Variants in GPHN observed in about 807,000 individuals in gnomAD.
GPHN encodes the protein gephyrin.
A neutral mutation model predicts 95.5 loss-of-function variants in GPHN; 17 were observed. The observed-to-expected ratio is 0.18, with a 90% CI of 0.12 to 0.27. The LOEUF is 0.27. GPHN is among the 10% of genes least tolerant of loss of function. The pLI is 1.00. For missense variants in GPHN, 660 were observed against 978.1 expected (o/e 0.67, Z 4.34); for synonymous variants, 320 against 322.5 (o/e 0.99, Z 0.08).
chr14:66,669,587 A>T (rs1169465018), intron 1 of GPHN, among the ~76,000 whole-genome samples: 1 of 151,886 alleles, frequency 6.6e-6, no homozygotes, highest in Non-Finnish European at 1.5e-5. Context: ...ATTGTTTGAC[A>T]ATTCTTGGGG....
chr14:67,653,404 TAA>T, the GPHN span: 1 of 1,602,014 alleles, frequency 6.2e-7, no homozygotes, highest in Non-Finnish European at 8.5e-7. Context: ...GCCACTGAGT[TAA>T]GAGAAATTTC....
At chr14:66,722,946 A>C (rs2070889210) in intron 2 of GPHN, among the ~76,000 whole-genome samples, 3 of 152,150 alleles carry the variant, frequency 2.0e-5, no homozygotes, top group South Asian at 4.1e-4. Flanking sequence ...CTTTAGGACA[A>C]AGTGACACTC....
intron 1 of GPHN, among the ~76,000 whole-genome samples, chr14:66,603,693 G>T (rs2062372623): frequency 6.6e-6 from 1 of 151,796 alleles, no homozygotes; most frequent in Non-Finnish European, 1.5e-5. Flanking sequence ...ATTATCAAAT[G>T]ATATATTTAA....
At chr14:67,275,988 GCA>G in the GPHN span, among the ~76,000 whole-genome samples, 1 of 151,932 alleles carries the variant, frequency 6.6e-6, no homozygotes, top group African/African-American at 2.4e-5. Flanking sequence ...ATTTTTTATT[GCA>G]TGTATTTGAT....
chr14:67,135,340 G>A (rs993537800), intron 17 of GPHN, among the ~76,000 whole-genome samples: 2 of 152,046 alleles, frequency 1.3e-5, no homozygotes, highest in Non-Finnish European at 2.9e-5. Flanking sequence ...CCCCTACCTT[G>A]AAGTCTATGT....
chr14:67,104,048 A>T (rs1355013612), intron 13 of GPHN, among the ~76,000 whole-genome samples: 1 of 151,882 alleles, frequency 6.6e-6, no homozygotes, highest in Non-Finnish European at 1.5e-5. Context: ...TTCTTTCTAT[A>T]CCTAAGTTGT....
At chr14:66,518,383 T>C (rs959107426) in intron 1 of GPHN, among the ~76,000 whole-genome samples, 3 of 152,066 alleles carry the variant, frequency 2.0e-5, no homozygotes, top group African/African-American at 4.8e-5. Flanking sequence ...TTATATACTG[T>C]TAATAGGAAT....
chr14:67,400,352 C>T, the GPHN span, among the ~76,000 whole-genome samples: 8 of 152,320 alleles, frequency 5.3e-5, no homozygotes, highest in South Asian at 1.7e-3. Context: ...TCACTTTGTT[C>T]CTTACTTACA....
At chr14:67,006,128 A>G (rs140056156) in intron 9 of GPHN, among the ~76,000 whole-genome samples, 102 of 152,216 alleles carry the variant, frequency 6.7e-4, no homozygotes, top group Non-Finnish European at 1.3e-3. Flanking sequence ...CCCATTTTAC[A>G]TCGTTGCAGA....
chr14:67,376,002 A>G, the GPHN span, among the ~76,000 whole-genome samples: 4 of 152,308 alleles, frequency 2.6e-5, no homozygotes, highest in African/African-American at 9.6e-5. Flanking sequence ...CACCCTGTTA[A>G]TTTTAGGAGG....
the GPHN span, among the ~76,000 whole-genome samples, chr14:67,536,806 G>A: frequency 6.6e-6 from 1 of 151,910 alleles, no homozygotes; most frequent in African/African-American, 2.4e-5. Flanking sequence ...ACTTTGGGAG[G>A]CCAAGGCAGG....
the GPHN span, among the ~76,000 whole-genome samples, chr14:67,523,548 G>A: frequency 2.0e-5 from 3 of 152,180 alleles, no homozygotes; most frequent in Non-Finnish European, 2.9e-5. Context: ...ATTACCCTGT[G>A]CTCCAAGTAA....
rs148908202 is a variant in GPHN at position 66,523,834 on chromosome 14, C to T, written c.64+15243C>T. ...AGCAACCTGTACAACTTTTGGGTAT[C>T]TGACCTCAATCTTGGTGTATCCCCA... On this transcript the variant is annotated intron_variant, in intron 1 of 22. Coordinates refer to ENST00000478722, the MANE Select transcript of GPHN (RefSeq NM_020806.5). 5.4e-3 allele frequency among the ~76,000 whole-genome samples: 827 copies of T among 152,158 alleles called. 3 individuals carry two copies. Among genetic ancestry groups the T allele is most frequent in the African/African-American group, 0.019 (790 of 41,536 alleles).
chr14:67,075,220 C>A (rs975387106), intron 11 of GPHN, among the ~76,000 whole-genome samples: 1 of 152,182 alleles, frequency 6.6e-6, no homozygotes, highest in Non-Finnish European at 1.5e-5. Context: ...TATGCTAAAT[C>A]TTCCCTCCCT....
chr14:66,532,451 T>G (rs2058981213), intron 1 of GPHN, among the ~76,000 whole-genome samples: 1 of 152,178 alleles, frequency 6.6e-6, no homozygotes, highest in South Asian at 2.1e-4. Flanking sequence ...GCCTGAAACT[T>G]TCACAGCATC....
At chr14:67,348,219 C>T in the GPHN span, among the ~76,000 whole-genome samples, 1 of 152,026 alleles carries the variant, frequency 6.6e-6, no homozygotes, top group Non-Finnish European at 1.5e-5. Context: ...GGATTACAGG[C>T]ATGCGCTACC....
At chr14:67,315,920 G>T in the GPHN span, among the ~76,000 whole-genome samples, 1 of 152,240 alleles carries the variant, frequency 6.6e-6, no homozygotes, top group African/African-American at 2.4e-5. Flanking sequence ...GCGAGACTTC[G>T]TCTCAAAAGA....
chr14:67,392,531 T>C, the GPHN span: 2 of 1,216,084 alleles, frequency 1.6e-6, no homozygotes, highest in Non-Finnish European at 2.4e-6. Flanking sequence ...AGGAACCTCA[T>C]TCTGCATCAG....
intron 4 of GPHN, among the ~76,000 whole-genome samples, chr14:66,825,458 A>G (rs1448090319): frequency 2.0e-5 from 3 of 152,088 alleles, no homozygotes; most frequent in Non-Finnish European, 4.4e-5. Flanking sequence ...ATGGTTTTCA[A>G]ACGTTAGCCT....
Sources: allele counts gnomAD v4.1 joint callset (sites outside exome capture counted in the v4.1 genomes callset), GRCh38; gene constraint gnomAD v4.1.1; transcripts MANE v1.5; gene names NCBI Gene and HGNC (gene_info 2026-07-23, HGNC 2026-07-21).